KCNIP3: variants seen among roughly 807,000 people sequenced by gnomAD.
KCNIP3 encodes calsenilin.
Under a neutral mutation model 35.0 loss-of-function variants are expected in KCNIP3, and 28 were observed. The observed-to-expected ratio is 0.80, with a 90% confidence interval of 0.59 to 1.10. The LOEUF (loss-of-function observed/expected upper bound fraction) is 1.10, where lower values mean the gene tolerates loss of function less well. KCNIP3 is among the 50% of genes least tolerant of loss of function. The pLI is 0.00. For missense variants in KCNIP3, 295 were observed against 338.4 expected, an observed-to-expected ratio of 0.87 and a Z score of 1.01; for synonymous variants, 134 against 133.8, an observed-to-expected ratio of 1.00 and a Z score of -0.01.
intron 2 of KCNIP3, among the ~76,000 whole-genome samples, chr2:95,363,301 T>C (rs1385122914): frequency 6.6e-6 from 1 of 152,246 alleles, no homozygotes. Flanking sequence ...ATGTGGGATA[T>C]GGAAGGAGTC....
At chr2:95,361,511 C>T (rs1679797881) in intron 2 of KCNIP3, among the ~76,000 whole-genome samples, 1 of 152,206 alleles carries the variant, frequency 6.6e-6, no homozygotes, top group Non-Finnish European at 1.5e-5. Flanking sequence ...CCTTAGACTC[C>T]ATGCCCGGGT....
intron 2 of KCNIP3, among the ~76,000 whole-genome samples, chr2:95,327,317 AGTG>A (rs1409891754): frequency 6.6e-6 from 1 of 152,164 alleles, no homozygotes; most frequent in East Asian, 1.9e-4. Flanking sequence ...ATCCCAGCTC[AGTG>A]GCTGAGGCCA....
At chr2:95,383,357 G>C in intron 8 of KCNIP3, 63 bp downstream of exon 8, 1 of 1,522,910 alleles carries the variant, frequency 6.6e-7, no homozygotes, top group Non-Finnish European at 9.0e-7. Context: ...TGGGTGGTTG[G>C]CAGCGTCTGC....
rs769708976 is a variant in KCNIP3, at chr2:95,347,018, C to T, written c.182-27278C>T. ...CCAGGGCCCCAGGCAGCCCGGCTTG[C>T]CATGGGCATCCAGGGCATGGAGCTG... On this transcript the variant is annotated intron_variant, in intron 2 of 8. Coordinates refer to ENST00000295225, the MANE Select transcript of KCNIP3 (RefSeq NM_013434.5). 1.0e-5 allele frequency: 16 copies of T among 1,604,506 alleles called. No homozygotes were observed. The East Asian group carries it at 2.7e-4, about 27-fold the overall frequency.
intron 2 of KCNIP3, among the ~76,000 whole-genome samples, chr2:95,373,429 T>G (rs1192167281): frequency 2.6e-4 from 36 of 139,622 alleles, no homozygotes; most frequent in African/African-American, 9.7e-4. Flanking sequence ...TTTTTTTTTT[T>G]TTTTTTTTTT....
chr2:95,366,874 G>A (rs1679930977), intron 2 of KCNIP3, among the ~76,000 whole-genome samples: 1 of 152,080 alleles, frequency 6.6e-6, no homozygotes, highest in Admixed American at 6.5e-5. Context: ...ACTAATTTGA[G>A]TTCTTTGATT....
At chr2:95,329,139 C>T (rs371645045) in intron 2 of KCNIP3, among the ~76,000 whole-genome samples, 4 of 152,200 alleles carry the variant, frequency 2.6e-5, no homozygotes, top group East Asian at 3.9e-4. Context: ...TGGGTTACTT[C>T]GAGGATTAAA....
intron 2 of KCNIP3, among the ~76,000 whole-genome samples, chr2:95,338,508 A>G (rs1679115341): frequency 6.6e-6 from 1 of 152,170 alleles, no homozygotes; most frequent in South Asian, 2.1e-4. Flanking sequence ...CACTGCCATA[A>G]AGATGGTTTC....
At chr2:95,375,063 C>A in intron 4 of KCNIP3, 75 bp from the exon 5 acceptor site, 1 of 1,534,522 alleles carries the variant, frequency 6.5e-7, no homozygotes, top group Non-Finnish European at 9.0e-7. Context: ...GCACCCTCAG[C>A]TGGGGTTGCC....
Position 95,376,898 on chromosome 2 carries a change from C to G in KCNIP3, c.447+1690C>G, listed in dbSNP as rs1680214467. ...CTGTCTGCAATGATTCTGTCCCTTTCTGTATATTCTTAGAGACAAGATGCA... is the reference window on the plus strand; with the variant it reads ...CTGTCTGCAATGATTCTGTCCCTTTGTGTATATTCTTAGAGACAAGATGCA... On this transcript the variant is annotated intron_variant, in intron 5 of 8. Transcript: ENST00000295225. This position sits in a 1 kb window ranked among gnomAD's most constrained non-coding sequence, Gnocchi z 4.2. Among the ~76,000 whole-genome samples, 1 of 152,230 alleles carries G rather than the reference C, an allele frequency of 6.6e-6. No homozygotes were observed. Among genetic ancestry groups the G allele is most frequent in the African/African-American group, 2.4e-5 (1 of 41,468 alleles).
chr2:95,321,582 A>G (rs546140539), intron 2 of KCNIP3, among the ~76,000 whole-genome samples: 36 of 152,294 alleles, frequency 2.4e-4, no homozygotes, highest in African/African-American at 7.7e-4. Context: ...GCAAATAGAC[A>G]TTGAGTGCGT....
intron 5 of KCNIP3, among the ~76,000 whole-genome samples, chr2:95,381,080 T>C (rs1227197823): frequency 6.6e-6 from 1 of 152,216 alleles, no homozygotes; most frequent in African/African-American, 2.4e-5. Context: ...GCCATGCAGA[T>C]GCTTGGCAGA....
At chr2:95,306,631 CA>C (rs1159768129) in intron 1 of KCNIP3, among the ~76,000 whole-genome samples, 2 of 152,166 alleles carry the variant, frequency 1.3e-5, no homozygotes, top group African/African-American at 2.4e-5. Flanking sequence ...CCAGGAGCAG[CA>C]GGTGCCAAGG....
At chr2:95,310,866 T>C in intron 2 of KCNIP3, 1 of 355,252 alleles carries the variant, frequency 2.8e-6, no homozygotes, top group East Asian at 7.0e-5. Flanking sequence ...CCGGGGCACC[T>C]CATTGATCCT....
At chr2:95,326,261 CTCACACATACACTCACT>C (rs1336408575) in intron 2 of KCNIP3, among the ~76,000 whole-genome samples, 1 of 9,688 alleles carries the variant, frequency 1.0e-4, no homozygotes, top group Middle Eastern at 0.028. Flanking sequence ...CACACATACA[CTCACACATACACTCACT>C]ACACATACAC....
intron 2 of KCNIP3, among the ~76,000 whole-genome samples, chr2:95,367,982 G>T (rs1347600956): frequency 6.6e-6 from 1 of 152,092 alleles, no homozygotes; most frequent in South Asian, 2.1e-4. Context: ...GGCTGGTCTC[G>T]AACTCCTGAC....
chr2:95,379,175 C>G (rs2104305402), intron 5 of KCNIP3, among the ~76,000 whole-genome samples: 1 of 152,276 alleles, frequency 6.6e-6, no homozygotes, highest in East Asian at 1.9e-4. Context: ...TCGCTTGAGC[C>G]CAGGAGTTCA....
intron 2 of KCNIP3, chr2:95,369,029 A>G (rs950366595): frequency 3.9e-5 from 6 of 152,156 alleles, no homozygotes; most frequent in Non-Finnish European, 5.9e-5. Context: ...AATGTGATTG[A>G]TTTTTGTATA....
intron 2 of KCNIP3, chr2:95,310,776 GT>G (rs1678293611): frequency 3.9e-6 from 2 of 509,418 alleles, no homozygotes; most frequent in Non-Finnish European, 7.2e-6. Flanking sequence ...CGGTTTTCCA[GT>G]TGGCTAGGAA....
Sources: allele counts gnomAD v4.1 joint callset (sites outside exome capture counted in the v4.1 genomes callset), GRCh38; gene constraint gnomAD v4.1.1; non-coding constraint Gnocchi (gnomAD v3.1); transcripts MANE v1.5; gene names NCBI Gene and HGNC (gene_info 2026-07-23, HGNC 2026-07-21).